Variants in CREM observed in about 807,000 individuals in gnomAD.
CREM encodes cAMP responsive element modulator.
In CREM, 13 loss-of-function variants were observed where a neutral mutation model predicts 37.3. The ratio of observed to expected loss-of-function variants is 0.35; its 90% confidence interval spans 0.23 to 0.55. The LOEUF is 0.55. CREM is among the 20% of genes least tolerant of loss of function. CREM has a pLI of 0.88. For synonymous variants in CREM, 124 were observed against 120.2 expected, an observed-to-expected ratio of 1.03 and a Z score of -0.21; for missense variants, 296 against 362.3, an observed-to-expected ratio of 0.82 and a Z score of 1.49.
intron 3 of CREM, among the ~76,000 whole-genome samples, chr10:35,164,361 C>T (rs980711752): frequency 1.3e-5 from 2 of 152,100 alleles, no homozygotes; most frequent in Non-Finnish European, 2.9e-5. Context: ...ATATTGTATT[C>T]GGAATCCTTT....
At chr10:35,166,967 C>T (rs1221851308) in intron 3 of CREM, among the ~76,000 whole-genome samples, 1 of 152,034 alleles carries the variant, frequency 6.6e-6, no homozygotes, top group South Asian at 2.1e-4. Context: ...GATGGTAAAC[C>T]CTGTCTTTAC....
At position 35,166,008 on chromosome 10, in the gene CREM, C is replaced by T. The variant is rs181841304; in HGVS notation, c.169-12881C>T. ...TAGAAACATGAAATTTGACCATTTA[C>T]GTTTACAGTATCAGAAACAATGATC... On this transcript the variant is annotated intron_variant, in intron 3 of 7. Coordinates refer to ENST00000685392, the MANE Select transcript of CREM (RefSeq NM_183011.2). 1.8e-4 allele frequency among the ~76,000 whole-genome samples: 28 copies of T among 152,156 alleles called. 1 individual carries two copies. The East Asian group carries it at 4.2e-3, about 23-fold the overall frequency.
intron 6 of CREM, among the ~76,000 whole-genome samples, chr10:35,197,820 A>T (rs1306759554): frequency 6.6e-6 from 1 of 152,144 alleles, no homozygotes; most frequent in Non-Finnish European, 1.5e-5. Context: ...TTGAAGGTGT[A>T]GTAGAGTAGC....
chr10:35,211,496 C>T lies in CREM; in HGVS notation c.*98C>T, dbSNP rs771059926. ...ACTTGTGGGAAGGACACGTGTGACC[C>T]TTAAGAATCCAGTTTGGATTAGTGT... On this transcript the variant is annotated 3_prime_UTR_variant, in exon 8 of 8. Coordinates refer to ENST00000685392, the MANE Select transcript of CREM (RefSeq NM_183011.2). 33 of 1,512,448 alleles carry T rather than the reference C, an allele frequency of 2.2e-5. No individual in the cohort carries two copies. The Middle Eastern group carries it at 8.8e-4, about 41-fold the overall frequency. 93.7% of individuals were successfully genotyped at this position (1,512,448 alleles called of 1,614,324 possible).
chr10:35,199,134 G>C (rs866126938), intron 6 of CREM, among the ~76,000 whole-genome samples: 2 of 152,252 alleles, frequency 1.3e-5, no homozygotes, highest in Non-Finnish European at 2.9e-5. Flanking sequence ...GGGTGACAGA[G>C]CGAGACTCCG....
intron 6 of CREM, among the ~76,000 whole-genome samples, chr10:35,203,388 T>C (rs2095433943): frequency 6.6e-6 from 1 of 152,154 alleles, no homozygotes; most frequent in Non-Finnish European, 1.5e-5. Flanking sequence ...ACCCACCCTT[T>C]TTTTAAAAAA....
intron 1 of CREM, 106 bp from the exon 2 acceptor site, chr10:35,137,676 T>A: frequency 2.2e-6 from 1 of 451,890 alleles, no homozygotes; most frequent in Non-Finnish European, 3.8e-6. Flanking sequence ...TAGAATATTC[T>A]TCCTGGCCTT....
At chr10:35,160,386 T>C (rs747194066) in intron 3 of CREM, among the ~76,000 whole-genome samples, 22 of 151,910 alleles carry the variant, frequency 1.4e-4, no homozygotes, top group Non-Finnish European at 2.5e-4. Flanking sequence ...CCTAGGACAT[T>C]ATTGTACACT....
At chr10:35,140,420 G>A (rs2091261809) in intron 2 of CREM, among the ~76,000 whole-genome samples, 1 of 152,086 alleles carries the variant, frequency 6.6e-6, no homozygotes, top group African/African-American at 2.4e-5. Context: ...CCCTCATCAT[G>A]CTACCTATTA....
intron 2 of CREM, among the ~76,000 whole-genome samples, chr10:35,143,264 G>A (rs932193915): frequency 5.9e-5 from 9 of 152,054 alleles, no homozygotes; most frequent in Non-Finnish European, 8.8e-5. Flanking sequence ...CCACCGTGCC[G>A]GGCTGGGAAA....
At chr10:35,197,065 G>A (rs2095214792) in intron 6 of CREM, among the ~76,000 whole-genome samples, 1 of 151,890 alleles carries the variant, frequency 6.6e-6, no homozygotes, top group African/African-American at 2.4e-5. Flanking sequence ...CACCGTGTTA[G>A]CCAGGATGGT....
At position 35,211,879 on chromosome 10, in the gene CREM, G is replaced by C; in HGVS notation, c.*481G>C. The C allele has an allele frequency of 7.5e-7, 1 of 1,334,150 alleles. No individual in the cohort carries two copies. Among genetic ancestry groups the C allele is most frequent in the Non-Finnish European group, 9.9e-7 (1 of 1,005,034 alleles). 82.6% of individuals were successfully genotyped at this position (1,334,150 alleles called of 1,614,324 possible). ...ATACAATATATAGCTGGCAAGAATG[G>C]TGGCTTCTTTTCTTTGTATCATTCA... On this transcript the variant is annotated 3_prime_UTR_variant, in exon 8 of 8. Coordinates refer to ENST00000685392, the MANE Select transcript of CREM (RefSeq NM_183011.2).
chr10:35,207,254 C>T (rs866884679), intron 7 of CREM, among the ~76,000 whole-genome samples: 2 of 151,588 alleles, frequency 1.3e-5, no homozygotes, highest in African/African-American at 2.4e-5. Context: ...ATTCGCCGGG[C>T]GTGGTGGCAG....
rs559656981 is a variant in CREM, at chr10:35,167,150, A to G, written c.169-11739A>G. On this transcript the variant is annotated intron_variant, in intron 3 of 7. Transcript: ENST00000685392. Reference sequence around the variant, plus strand: ...AGCAAGACTCCGTCTCAGTGGGGGGAAAAAAAATTAAAGTGGAATATTTTA... The same window carrying G: ...AGCAAGACTCCGTCTCAGTGGGGGGGAAAAAAATTAAAGTGGAATATTTTA... Among the ~76,000 whole-genome samples the G allele has an allele frequency of 9.0e-4, 136 of 151,484 alleles. 1 individual carries two copies. The East Asian group carries it at 0.017, about 19-fold the overall frequency.
At chr10:35,163,816 C>T (rs1190648637) in intron 3 of CREM, among the ~76,000 whole-genome samples, 2 of 151,504 alleles carry the variant, frequency 1.3e-5, no homozygotes, top group Admixed American at 6.6e-5. Context: ...AGTGAAACTC[C>T]GTCTCCAAAA....
At chr10:35,162,926 A>G (rs946209053) in intron 3 of CREM, among the ~76,000 whole-genome samples, 8 of 152,194 alleles carry the variant, frequency 5.3e-5, no homozygotes, top group Non-Finnish European at 8.8e-5. Context: ...ATAATAATTA[A>G]TGGGAGAGGA....
intron 3 of CREM, among the ~76,000 whole-genome samples, chr10:35,167,317 G>A: frequency 6.6e-6 from 1 of 152,088 alleles, no homozygotes; most frequent in Non-Finnish European, 1.5e-5. Flanking sequence ...TAAATATCAA[G>A]ATAGTTTTCA....
In CREM at chr10:35,187,539, C is replaced by T. The variant is rs550715753; in HGVS notation, c.410-661C>T. Among the ~76,000 whole-genome samples, 8 of 151,986 alleles carry T rather than the reference C, an allele frequency of 5.3e-5. No homozygotes were observed. The South Asian group carries it at 6.2e-4, about 12-fold the overall frequency. On this transcript the variant is annotated intron_variant, in intron 5 of 7. Transcript: ENST00000685392. Reference sequence around the variant, plus strand: ...CCTCCCAAAGTCCTAAGTTTACAGGCGTGAGCCACTGCACCTTGCCTATAT... The same window carrying T: ...CCTCCCAAAGTCCTAAGTTTACAGGTGTGAGCCACTGCACCTTGCCTATAT...
chr10:35,199,336 C>T (rs12775799), intron 6 of CREM, among the ~76,000 whole-genome samples: 50,236 of 152,042 alleles, frequency 0.33, 8,403 homozygotes, highest in Non-Finnish European at 0.35. Flanking sequence ...TTGAAAAATG[C>T]ATAACGAAAT....
Sources: gnomAD v4.1 joint callset for allele counts (sites outside exome capture counted in the v4.1 genomes callset) on GRCh38, gnomAD v4.1.1 for gene constraint, MANE v1.5 for transcripts, NCBI Gene and HGNC (gene_info 2026-07-23, HGNC 2026-07-21) for gene names.